The following RBFOX1 variants were observed in gnomAD, a reference collection of about 807,000 sequenced individuals.
RBFOX1 encodes RNA binding protein fox-1 homolog 1.
Under a neutral mutation model 57.7 loss-of-function variants are expected in RBFOX1, and 8 were observed. The observed-to-expected ratio is 0.14, with a 90% CI of 0.08 to 0.25. The LOEUF (loss-of-function observed/expected upper bound fraction) is 0.25, where lower values mean the gene tolerates loss of function less well. Among genes scored for constraint, RBFOX1 ranks in the 10% least tolerant of loss-of-function variants. The probability of loss-of-function intolerance (pLI) is 1.00; values close to 1 mark genes in which losing one functional copy is unlikely to be tolerated. For missense variants in RBFOX1, 611 were observed against 548.5 expected (o/e 1.11, Z -1.14); for synonymous variants, 326 against 222.4 (o/e 1.47, Z -4.15).
intron 3 of RBFOX1, among the ~76,000 whole-genome samples, chr16:6,690,944 T>A (rs560530428): frequency 6.6e-6 from 1 of 152,178 alleles, no homozygotes; most frequent in East Asian, 1.9e-4. Context: ...CAACCTGTGA[T>A]GAGGTTGGCT....
chr16:5,627,407 A>G (rs1052340567), intron 3 of RBFOX1, among the ~76,000 whole-genome samples: 12 of 151,804 alleles, frequency 7.9e-5, no homozygotes, highest in Admixed American at 2.0e-4. Flanking sequence ...TTTTAACCAT[A>G]GTGATCTTGG....
chr16:6,759,899 G>A (rs1002900396), intron 3 of RBFOX1, among the ~76,000 whole-genome samples: 1 of 152,108 alleles, frequency 6.6e-6, no homozygotes, highest in Non-Finnish European at 1.5e-5. Context: ...ATGGTATAAG[G>A]CTACAGTGGA....
rs1180747073 is a variant in RBFOX1 at position 6,635,220 on chromosome 16, TATATA to T, written c.-63-19379_-63-19375del. On this transcript the variant is annotated intron_variant, in intron 2 of 15. Transcript: ENST00000550418. ...ATATGTACATATTTTTAATTTAAAA[TATATA>T]ATACTTTCAATTTATATATTCATCA... Among the ~76,000 whole-genome samples, 5 of 150,204 alleles carry T rather than the reference TATATA, an allele frequency of 3.3e-5. No homozygotes were observed. The Admixed American group carries it at 3.3e-4, about 10-fold the overall frequency.
chr16:7,085,593 C>T (rs947813882), intron 4 of RBFOX1, among the ~76,000 whole-genome samples: 12 of 151,950 alleles, frequency 7.9e-5, no homozygotes, highest in Admixed American at 5.9e-4. Context: ...GAACATATGC[C>T]TGCAAAATTT....
At chr16:7,598,368 T>C (rs1387737410) in intron 9 of RBFOX1, among the ~76,000 whole-genome samples, 1 of 152,188 alleles carries the variant, frequency 6.6e-6, no homozygotes, top group African/African-American at 2.4e-5. Flanking sequence ...TGCTGAATTG[T>C]GAGACTGGCA....
chr16:7,078,458 C>T (rs1222426045), intron 4 of RBFOX1, among the ~76,000 whole-genome samples: 1 of 152,120 alleles, frequency 6.6e-6, no homozygotes, highest in Non-Finnish European at 1.5e-5. Flanking sequence ...AGCGGTTCTC[C>T]TACCTCAGTC....
At chr16:5,958,295 A>G (rs772506460) in intron 4 of RBFOX1, among the ~76,000 whole-genome samples, 4 of 152,198 alleles carry the variant, frequency 2.6e-5, no homozygotes, top group Non-Finnish European at 4.4e-5. Flanking sequence ...TGCTAATTGT[A>G]TCACACTTGT....
At chr16:5,551,963 C>T (rs1272052478) in intron 2 of RBFOX1, among the ~76,000 whole-genome samples, 1 of 152,168 alleles carries the variant, frequency 6.6e-6, no homozygotes, top group East Asian at 1.9e-4. Flanking sequence ...CTGCAAAGGA[C>T]ATGAACTCAT....
chr16:6,164,759 G>A (rs983235482), intron 1 of RBFOX1, among the ~76,000 whole-genome samples: 30 of 152,030 alleles, frequency 2.0e-4, no homozygotes, highest in African/African-American at 5.8e-4. Context: ...GTGACCCACC[G>A]TGCCCAGCCT....
chr16:6,252,173 C>T (rs1451630517), intron 1 of RBFOX1, among the ~76,000 whole-genome samples: 6 of 152,116 alleles, frequency 3.9e-5, no homozygotes, highest in South Asian at 2.1e-4. Context: ...TTTGGTTTTG[C>T]GTCCCTGCAC....
chr16:5,704,127 C>T (rs2051151782), intron 3 of RBFOX1, among the ~76,000 whole-genome samples: 1 of 152,090 alleles, frequency 6.6e-6, no homozygotes, highest in Non-Finnish European at 1.5e-5. Flanking sequence ...TGGGGCACAT[C>T]CACTGAGGAC....
chr16:5,607,050 G>T (rs938937689), intron 3 of RBFOX1, among the ~76,000 whole-genome samples: 47 of 152,204 alleles, frequency 3.1e-4, no homozygotes, highest in African/African-American at 1.1e-3. Flanking sequence ...TGGCTTAGGA[G>T]GCTGGGAGGC....
At chr16:7,001,961 A>C (rs1431318126) in intron 3 of RBFOX1, among the ~76,000 whole-genome samples, 1 of 152,114 alleles carries the variant, frequency 6.6e-6, no homozygotes, top group Non-Finnish European at 1.5e-5. Flanking sequence ...CTTCTTGTGC[A>C]CACGATTGAG....
At position 7,494,567 on chromosome 16, in the gene RBFOX1, T is replaced by C. The variant is rs575857664; in HGVS notation, c.28-23580T>C. Among the ~76,000 whole-genome samples, 7 of 152,344 alleles carry C rather than the reference T, an allele frequency of 4.6e-5. 1 individual carries two copies. Among genetic ancestry groups the C allele is most frequent in the African/African-American group, 1.7e-4 (7 of 41,574 alleles). On this transcript the variant is annotated intron_variant, in intron 4 of 15. Transcript: ENST00000550418. ...AGCACAGAGATGTTCAGCATAGTGA[T>C]AAGAAATTTACTTTCATGACCTAAT... is the stretch of plus-strand genomic sequence containing the variant.
At chr16:5,671,815 G>C (rs1034241497) in intron 3 of RBFOX1, among the ~76,000 whole-genome samples, 3 of 152,166 alleles carry the variant, frequency 2.0e-5, no homozygotes, top group African/African-American at 7.2e-5. Context: ...AATTTAAAAT[G>C]ACTATTCAAA....
chr16:6,088,489 C>A (rs1293694913), intron 1 of RBFOX1, among the ~76,000 whole-genome samples: 3 of 151,624 alleles, frequency 2.0e-5, no homozygotes, highest in Non-Finnish European at 4.4e-5. Context: ...ACCATCCATG[C>A]ATCCTCCCTC....
At position 7,153,513 on chromosome 16, in the gene RBFOX1, A is replaced by G. The variant is rs534431037; in HGVS notation, c.27+101415A>G. On this transcript the variant is annotated intron_variant, in intron 4 of 15. Transcript: ENST00000550418. The stretch of plus-strand genomic sequence containing the variant: ...GCACTTTGGGAGGCTGCGGCAAGTG[A>G]ATCACAAGGTCAAGAGATCGAGACC... Among the ~76,000 whole-genome samples, 98 of 151,928 alleles carry G rather than the reference A, an allele frequency of 6.5e-4. 1 individual carries two copies. The highest frequency in any genetic ancestry group is 6.4e-3 in the Admixed American group (98 of 15,250).
intron 3 of RBFOX1, among the ~76,000 whole-genome samples, chr16:6,911,487 G>A (rs1344535143): frequency 2.0e-5 from 3 of 152,086 alleles, no homozygotes; most frequent in African/African-American, 7.2e-5. Context: ...TCACCTGCAT[G>A]TGTTCTCCCC....
Position 5,955,810 on chromosome 16 carries a change from C to G in RBFOX1, c.351+88475C>G, listed in dbSNP as rs754330220. Reference sequence around the variant, plus strand: ...CAGTAGAAAAATGAGCAAAGTCACTCCCGGAAAACTAATATATATGACATG... The same window carrying G: ...CAGTAGAAAAATGAGCAAAGTCACTGCCGGAAAACTAATATATATGACATG... On this transcript the variant is annotated intron_variant, in intron 4 of 19. Coordinates refer to the RBFOX1 transcript ENST00000641259. Among the ~76,000 whole-genome samples the G allele has an allele frequency of 9.9e-4, 151 of 152,250 alleles. 1 individual carries two copies. The highest frequency in any genetic ancestry group is 1.8e-3 in the Admixed American group (28 of 15,292).
Sources: allele counts gnomAD v4.1 joint callset (sites outside exome capture counted in the v4.1 genomes callset), GRCh38; gene constraint gnomAD v4.1.1; transcripts MANE v1.5; gene names NCBI Gene and HGNC (gene_info 2026-07-23, HGNC 2026-07-21).